Variants in SLC25A37 observed in about 807,000 individuals in gnomAD.
The protein encoded by SLC25A37 is solute carrier family 25 member 37.
Under a neutral mutation model 31.0 loss-of-function variants are expected in SLC25A37, and 17 were observed. That is an observed-to-expected ratio of 0.55 (90% confidence interval 0.38 to 0.82). The LOEUF (loss-of-function observed/expected upper bound fraction) is 0.82. SLC25A37 is among the 40% of genes least tolerant of loss of function. The pLI is 0.00. For synonymous variants in SLC25A37, 222 were observed against 193.0 expected (o/e 1.15, Z -1.24); for missense variants, 404 against 465.8 (o/e 0.87, Z 1.22).
At chr8:23,563,960 AAC>A (rs890393887) in intron 1 of SLC25A37, among the ~76,000 whole-genome samples, 2 of 152,196 alleles carry the variant, frequency 1.3e-5, no homozygotes, top group African/African-American at 4.8e-5. Flanking sequence ...CAGCCTGGGC[AAC>A]AGTGTGAGAC....
chr8:23,548,076 G>A (rs1163374771), intron 1 of SLC25A37, among the ~76,000 whole-genome samples: 2 of 152,200 alleles, frequency 1.3e-5, no homozygotes, highest in East Asian at 3.9e-4. Context: ...TGGGGAGCTG[G>A]GGAGCCTCCC....
intron 1 of SLC25A37, among the ~76,000 whole-genome samples, chr8:23,540,251 C>A (rs4871881): frequency 0.096 from 14,674 of 152,072 alleles, 1,007 homozygotes; most frequent in East Asian, 0.35. Flanking sequence ...GAGCTGAAAG[C>A]GAGAGAAGAG....
At position 23,573,730 on chromosome 8, in the gene SLC25A37, C is replaced by T; in HGVS notation, c.*1875C>T. The T allele has an allele frequency of 2.3e-6, 1 of 444,170 alleles. No homozygotes were observed. Among genetic ancestry groups the T allele is most frequent in the South Asian group, 1.6e-5 (1 of 64,070 alleles). The allele number at this position is 444,170 out of a possible 1,614,324, so 27.5% of individuals were successfully genotyped here. On this transcript the variant is annotated 3_prime_UTR_variant, in exon 4 of 4. Transcript: ENST00000519973. ...GGAAAGAGCCAAACTGGGTACCTCCCACGTGTGCCCCGTGAACAGCCCTTT... is the reference window on the plus strand; with the variant it reads ...GGAAAGAGCCAAACTGGGTACCTCCTACGTGTGCCCCGTGAACAGCCCTTT...
chr8:23,556,696 G>C (rs1802375993), intron 1 of SLC25A37, among the ~76,000 whole-genome samples: 1 of 152,016 alleles, frequency 6.6e-6, no homozygotes, highest in African/African-American at 2.4e-5. Flanking sequence ...ATTTTTGCCA[G>C]TTTGGGAGAT....
chr8:23,534,943 G>A (rs929479065), intron 1 of SLC25A37, among the ~76,000 whole-genome samples: 2 of 152,000 alleles, frequency 1.3e-5, no homozygotes, highest in South Asian at 2.1e-4. Context: ...CACAGATCCC[G>A]TCCTCACCCT....
At chr8:23,542,838 T>A (rs879541207) in intron 1 of SLC25A37, among the ~76,000 whole-genome samples, 2 of 152,048 alleles carry the variant, frequency 1.3e-5, no homozygotes, top group Non-Finnish European at 2.9e-5. Flanking sequence ...TGACCCTCTG[T>A]AAGCCTAGGC....
chr8:23,555,323 G>A (rs73555560), intron 1 of SLC25A37, among the ~76,000 whole-genome samples: 1,624 of 152,284 alleles, frequency 0.011, 34 homozygotes, highest in African/African-American at 0.035. Flanking sequence ...CTTACAGCTT[G>A]ACATACTCTT....
At chr8:23,544,621 G>A (rs1429278233) in intron 1 of SLC25A37, among the ~76,000 whole-genome samples, 4 of 152,158 alleles carry the variant, frequency 2.6e-5, no homozygotes, top group African/African-American at 9.7e-5. Context: ...AAGGCCCCCC[G>A]AGGAAGGAAT....
At chr8:23,542,369 T>C (rs962478435) in intron 1 of SLC25A37, among the ~76,000 whole-genome samples, 9 of 140,794 alleles carry the variant, frequency 6.4e-5, no homozygotes, top group South Asian at 2.3e-4. Flanking sequence ...CTTTAGAGTG[T>C]ACTCCTACTT....
intron 1 of SLC25A37, among the ~76,000 whole-genome samples, chr8:23,557,431 T>C (rs1802398111): frequency 2.0e-5 from 3 of 152,164 alleles, no homozygotes; most frequent in Admixed American, 2.0e-4. Flanking sequence ...TAGATGGGGT[T>C]TGTGGCTTTA....
intron 3 of SLC25A37, 61 bp from the exon 4 acceptor site, chr8:23,571,273 GC>G: frequency 2.0e-6 from 3 of 1,464,772 alleles, no homozygotes; most frequent in Non-Finnish European, 2.7e-6. Context: ...CTGGGGTGGG[GC>G]CACATCCAAC....
At chr8:23,545,560 A>T (rs1437337351) in intron 1 of SLC25A37, among the ~76,000 whole-genome samples, 1 of 152,204 alleles carries the variant, frequency 6.6e-6, no homozygotes, top group African/African-American at 2.4e-5. Flanking sequence ...GTGTCCACTG[A>T]TTCCCTGGCA....
rs375477126 is a variant in SLC25A37, at chr8:23,550,289, G to A, written c.211-15819G>A. Among the ~76,000 whole-genome samples the A allele has an allele frequency of 3.9e-5, 4 of 101,390 alleles. 2 individuals carry two copies. Among genetic ancestry groups the A allele is most frequent in the African/African-American group, 3.1e-4 (4 of 13,074 alleles). The allele number at this position is 101,390 out of a possible 152,430, so 66.5% of individuals were successfully genotyped here. ...TCCGTGGTAGTCATTTATTGAGCACGTGTTTTAGTGAGCATGGCATGGCGC... is the reference window on the plus strand; with the variant it reads ...TCCGTGGTAGTCATTTATTGAGCACATGTTTTAGTGAGCATGGCATGGCGC... On this transcript the variant is annotated intron_variant, in intron 1 of 3. Coordinates refer to ENST00000519973, the MANE Select transcript of SLC25A37 (RefSeq NM_016612.4).
At chr8:23,556,090 ACT>A (rs34841556) in intron 1 of SLC25A37, among the ~76,000 whole-genome samples, 67,939 of 151,494 alleles carry the variant, frequency 0.45, 15,304 homozygotes, top group East Asian at 0.55. Context: ...TGTTCTTCTA[ACT>A]CTGCTTGAGT....
intron 1 of SLC25A37, among the ~76,000 whole-genome samples, chr8:23,538,912 G>T (rs1801832407): frequency 6.6e-6 from 1 of 152,092 alleles, no homozygotes; most frequent in South Asian, 2.1e-4. Flanking sequence ...TTCTTTGCTG[G>T]GCACTCTGGA....
In SLC25A37 at chr8:23,548,285, T is replaced by C. The variant is rs190741488; in HGVS notation, c.211-17823T>C. On this transcript the variant is annotated intron_variant, in intron 1 of 3. Transcript: ENST00000519973. ...CCTCTGCCTCCCGGGTTCAAGCGAT[T>C]CTCCTGCTTCAGCCTCCTGAGTAGC... Among the ~76,000 whole-genome samples the C allele has an allele frequency of 5.7e-3, 863 of 152,150 alleles. 8 individuals carry two copies. Among genetic ancestry groups the C allele is most frequent in the African/African-American group, 0.02 (823 of 41,516 alleles).
chr8:23,548,620 A>G (rs1283187351), intron 1 of SLC25A37, among the ~76,000 whole-genome samples: 2 of 151,654 alleles, frequency 1.3e-5, no homozygotes, highest in East Asian at 3.9e-4. Flanking sequence ...ACAGGCATAC[A>G]CCACCACACC....
intron 1 of SLC25A37, among the ~76,000 whole-genome samples, chr8:23,534,653 C>T (rs191151524): frequency 1.1e-4 from 16 of 152,266 alleles, no homozygotes; most frequent in East Asian, 1.9e-4. Context: ...ATCCCTGGAC[C>T]GGGTCCCATT....
chr8:23,574,040 A>C lies in SLC25A37; in HGVS notation c.*2185A>C, dbSNP rs867820446. On this transcript the variant is annotated 3_prime_UTR_variant, in exon 4 of 4. Coordinates refer to ENST00000519973, the MANE Select transcript of SLC25A37 (RefSeq NM_016612.4). ...AAATTTGTAAAAAAATTATCCTACCACCCCTTTTGGTCCACTTAAGATATG... is the reference window on the plus strand; with the variant it reads ...AAATTTGTAAAAAAATTATCCTACCCCCCCTTTTGGTCCACTTAAGATATG... 19 of 352,234 alleles carry C rather than the reference A, an allele frequency of 5.4e-5. 1 individual carries two copies. Among genetic ancestry groups the C allele is most frequent in the African/African-American group, 3.6e-4 (17 of 46,666 alleles). 21.8% of individuals were successfully genotyped at this position (352,234 alleles called of 1,614,324 possible). A position where few individuals can be genotyped will look rare whatever the true frequency, so the allele number is the denominator to read the frequency against.
Sources: allele counts gnomAD v4.1 joint callset (sites outside exome capture counted in the v4.1 genomes callset), GRCh38; gene constraint gnomAD v4.1.1; transcripts MANE v1.5; gene names NCBI Gene and HGNC (gene_info 2026-07-23, HGNC 2026-07-21).